The following PLIN2 variants were observed in gnomAD, a reference collection of about 807,000 sequenced individuals.
PLIN2 encodes the protein perilipin-2.
Under a neutral mutation model 30.6 loss-of-function variants are expected in PLIN2, and 33 were observed. The ratio of observed to expected loss-of-function variants is 1.08; its 90% CI spans 0.82 to 1.44. The LOEUF (loss-of-function observed/expected upper bound fraction) is 1.44. Among genes scored for constraint, PLIN2 ranks in the 40% most tolerant of loss-of-function variants. PLIN2 has a pLI of 0.00. For synonymous variants in PLIN2, 205 were observed against 201.1 expected, an observed-to-expected ratio of 1.02 and a Z score of -0.16; for missense variants, 610 against 531.8, an observed-to-expected ratio of 1.15 and a Z score of -1.45.
rs1006943154 is a variant in PLIN2 at position 19,117,274 on chromosome 9, C to A, written c.913-625G>T. ...CTCTCGGGCTTAGGTGATCCTCCCA[C>A]CTCAGCCTCTCGAGCAACTAGGACT... On this transcript the variant is annotated intron_variant, in intron 7 of 7. Coordinates refer to ENST00000276914, the MANE Select transcript of PLIN2 (RefSeq NM_001122.4). Among the ~76,000 whole-genome samples, 4 of 152,016 alleles carry A rather than the reference C, an allele frequency of 2.6e-5. No homozygotes were observed. The East Asian group carries it at 7.7e-4, about 29-fold the overall frequency.
At chr9:19,126,063 GC>G in intron 3 of PLIN2, 50 bp downstream of exon 3, 1 of 1,502,520 alleles carries the variant, frequency 6.7e-7, no homozygotes, top group South Asian at 1.2e-5. Flanking sequence ...GAGCTCAGGG[GC>G]TCGCCACTGA....
In PLIN2 at chr9:19,115,833, A is replaced by G. The variant is rs2131175614; in HGVS notation, c.*415T>C. On this transcript the variant is annotated 3_prime_UTR_variant, in exon 8 of 8. Coordinates refer to ENST00000276914, the MANE Select transcript of PLIN2 (RefSeq NM_001122.4). ...TCCTATTTGAGAAATGAAAAACTAA[A>G]ATCAAGTTTTACAAGCAAGCATCAT... is the stretch of plus-strand genomic sequence containing the variant. The G allele has an allele frequency of 6.3e-6, 1 of 159,120 alleles. No individual in the cohort carries two copies. Among genetic ancestry groups the G allele is most frequent in the Non-Finnish European group, 1.4e-5 (1 of 72,338 alleles). The allele number at this position is 159,120 out of a possible 1,614,324, so 9.9% of individuals were successfully genotyped here. A position where few individuals can be genotyped will look rare whatever the true frequency, so the allele number is the denominator to read the frequency against.
chr9:19,117,602 T>C (rs1347420727), intron 7 of PLIN2, among the ~76,000 whole-genome samples: 1 of 151,556 alleles, frequency 6.6e-6, no homozygotes, highest in Non-Finnish European at 1.5e-5. Flanking sequence ...CTGCCTGAGA[T>C]AGTCTTCCCA....
intron 2 of PLIN2, among the ~76,000 whole-genome samples, chr9:19,109,197 A>C (rs752473214): frequency 6.6e-6 from 1 of 152,150 alleles, no homozygotes; most frequent in Non-Finnish European, 1.5e-5. Context: ...AACTCTATCA[A>C]ATTTTATTTT....
At position 19,119,726 on chromosome 9, in the gene PLIN2, T is replaced by C. The variant is rs774968231; in HGVS notation, c.701A>G (p.Gln234Arg). Reference protein sequence around the residue: ...STKLHSRAYQQALSRVKEAKQ... With the variant: ...STKLHSRAYQRALSRVKEAKQ... ...AGCTTCTTTAACCCTGCTGAGAGCC[T>C]GCTGGTAGGCACGGGAGTGAAGCTT... Residue 234 changes from glutamine to arginine, a missense_variant, in exon 6 of 8, where the codon CAG (glutamine) becomes CGG (arginine). Coordinates refer to ENST00000276914, the MANE Select transcript of PLIN2 (RefSeq NM_001122.4). The C allele has an allele frequency of 4.2e-5, 68 of 1,612,806 alleles. 1 individual carries two copies. The South Asian group carries it at 7.3e-4, about 17-fold the overall frequency.
chr9:19,118,130 T>C (rs1187694738), intron 7 of PLIN2, among the ~76,000 whole-genome samples, 191 bp downstream of exon 7: 1 of 152,256 alleles, frequency 6.6e-6, no homozygotes. Flanking sequence ...TGTATACTCA[T>C]AGGTTGTTAG....
chr9:19,121,489 CAAA>C (rs375474450), intron 4 of PLIN2, among the ~76,000 whole-genome samples: 8 of 45,266 alleles, frequency 1.8e-4, no homozygotes, highest in Admixed American at 5.0e-4. Context: ...GACCCTGTCT[CAAA>C]AAAAAAAAAA....
At chr9:19,123,138 C>T in intron 4 of PLIN2, 1 of 543,354 alleles carries the variant, frequency 1.8e-6, no homozygotes, top group East Asian at 3.0e-5. Flanking sequence ...CAAAGGATCA[C>T]CAGGACAGAC....
downstream of PLIN2, among the ~76,000 whole-genome samples, chr9:19,114,614 G>T (rs776740530): frequency 3.9e-5 from 6 of 151,986 alleles, no homozygotes; most frequent in Non-Finnish European, 7.4e-5. Flanking sequence ...TTGTTGGTCA[G>T]GGTGGTGTCG....
intron 4 of PLIN2, among the ~76,000 whole-genome samples, chr9:19,121,695 GC>G (rs572051839): frequency 6.6e-6 from 1 of 152,104 alleles, no homozygotes; most frequent in Non-Finnish European, 1.5e-5. Flanking sequence ...ACTTTGCAAA[GC>G]TGAGTTGGTT....
intron 1 of PLIN2, among the ~76,000 whole-genome samples, chr9:19,126,805 G>T (rs1349193591): frequency 6.6e-6 from 1 of 152,190 alleles, no homozygotes; most frequent in Non-Finnish European, 1.5e-5. Flanking sequence ...ACTTTGGGAG[G>T]CCGAGGGGGG....
Position 19,116,373 on chromosome 9 carries a change from G to C in PLIN2, c.1189C>G (p.Pro397Ala). Residue 397 changes from proline to alanine, a missense_variant, in exon 8 of 8, where the codon CCC becomes GCC. Transcript: ENST00000276914. ...DVMDYLVNNT[P>A]LNWLVGPFYP... ...AAGGGACCTACCAGCCAGTTGAGGG[G>C]CGTGTTGTTAACAAGATAATCCATC... 6.2e-7 allele frequency: 1 copy of C among 1,614,176 alleles called. No individual in the cohort carries two copies.
At chr9:19,118,769 G>A (rs1032931089) in intron 6 of PLIN2, among the ~76,000 whole-genome samples, 12 of 152,314 alleles carry the variant, frequency 7.9e-5, no homozygotes, top group Non-Finnish European at 1.2e-4. Context: ...CTGAAGTACA[G>A]TGGCGCGATC....
At chr9:19,110,577 G>C (rs1159758972) in intron 2 of PLIN2, among the ~76,000 whole-genome samples, 1 of 152,110 alleles carries the variant, frequency 6.6e-6, no homozygotes, top group Admixed American at 6.6e-5. Context: ...CCAGGTTCAA[G>C]TGATTCTCCT....
At chr9:19,111,405 C>G (rs1482548351), downstream of PLIN2, among the ~76,000 whole-genome samples, 2 of 152,140 alleles carry the variant, frequency 1.3e-5, no homozygotes, top group African/African-American at 4.8e-5. Context: ...TCAAATTCAA[C>G]GAAGTATAGG....
Position 19,116,376 on chromosome 9 carries a change from T to C in PLIN2, c.1186A>G (p.Thr396Ala), listed in dbSNP as rs1223862465. Residue 396 changes from threonine (T) to alanine (A), a missense_variant, in exon 8 of 8, where the codon ACG (threonine) becomes GCG (alanine). Physicochemically the swap from Thr to Ala is moderately conservative, Grantham distance 58. Transcript: ENST00000276914. The part of the protein sequence containing the change: ...DDVMDYLVNN[T>A]PLNWLVGPFY... Reference sequence around the variant, plus strand: ...GGACCTACCAGCCAGTTGAGGGGCGTGTTGTTAACAAGATAATCCATCACG... The same window carrying C: ...GGACCTACCAGCCAGTTGAGGGGCGCGTTGTTAACAAGATAATCCATCACG... The C allele has an allele frequency of 2.5e-6, 4 of 1,614,184 alleles. No individual in the cohort carries two copies. The East Asian group carries it at 8.9e-5, about 36-fold the overall frequency.
chr9:19,117,872 C>A (rs1818254541), intron 7 of PLIN2, among the ~76,000 whole-genome samples: 1 of 152,168 alleles, frequency 6.6e-6, no homozygotes, highest in Admixed American at 6.5e-5. Flanking sequence ...CCGCCTCGGC[C>A]TCCCAAAGTG....
intron 3 of PLIN2, chr9:19,125,815 C>T (rs181464319): frequency 9.3e-5 from 22 of 237,758 alleles, no homozygotes; most frequent in Admixed American, 6.7e-4. Context: ...CCCAGCTACT[C>T]GGGAGGCTGA....
At chr9:19,110,404 G>T (rs1252543005) in intron 2 of PLIN2, among the ~76,000 whole-genome samples, 1 of 152,172 alleles carries the variant, frequency 6.6e-6, no homozygotes, top group African/African-American at 2.4e-5. Flanking sequence ...CATTGTGAAT[G>T]TGCTTAATGC....
Sources: allele counts gnomAD v4.1 joint callset (sites outside exome capture counted in the v4.1 genomes callset), GRCh38; gene constraint gnomAD v4.1.1; transcripts MANE v1.5; gene names NCBI Gene and HGNC (gene_info 2026-07-23, HGNC 2026-07-21).